EPHA6: variants seen among roughly 807,000 people sequenced by gnomAD.
EPHA6 encodes ephrin type-A receptor 6.
A neutral mutation model predicts 112.0 loss-of-function variants in EPHA6; 50 were observed. That is an observed-to-expected ratio of 0.45 (90% CI 0.36 to 0.56). The LOEUF is 0.56. Among genes scored for constraint, EPHA6 ranks in the 20% least tolerant of loss-of-function variants. EPHA6 has a pLI of 0.00. For synonymous variants in EPHA6, 529 were observed against 490.7 expected, an observed-to-expected ratio of 1.08 and a Z score of -1.03; for missense variants, 1,280 against 1,417.4, an observed-to-expected ratio of 0.90 and a Z score of 1.56.
At chr3:96,910,030 T>C (rs937493804) in intron 2 of EPHA6, among the ~76,000 whole-genome samples, 3 of 152,020 alleles carry the variant, frequency 2.0e-5, no homozygotes, top group Non-Finnish European at 4.4e-5. Flanking sequence ...AGGATGCCCA[T>C]TCTCTGGAAA....
chr3:96,859,383 A>C (rs980516967), intron 1 of EPHA6, among the ~76,000 whole-genome samples: 1 of 140,928 alleles, frequency 7.1e-6, no homozygotes, highest in Non-Finnish European at 1.6e-5. Context: ...ATAATGGTTA[A>C]TTTTTTTTTT....
chr3:97,538,903 G>A (rs1481032072), intron 11 of EPHA6, among the ~76,000 whole-genome samples: 1 of 152,040 alleles, frequency 6.6e-6, no homozygotes, highest in Non-Finnish European at 1.5e-5. Flanking sequence ...AATTCCAAAT[G>A]TTCAGCATTT....
In EPHA6 at chr3:97,539,147, TTCTTTC is replaced by T. The variant is rs2092812077; in HGVS notation, c.2386+6606_2386+6611del. Among the ~76,000 whole-genome samples the T allele has an allele frequency of 2.7e-5, 4 of 149,236 alleles. No individual in the cohort carries two copies. The Admixed American group carries it at 2.7e-4, about 10-fold the overall frequency. ...TTCTTTTTCTTTCTTTCTTTCTTTC[TTCTTTC>T]TTTTTTTTTTTTGAGACACAGCCTC... On this transcript the variant is annotated intron_variant, in intron 11 of 17. Transcript: ENST00000389672.
chr3:97,187,676 A>AAAGAAAGAAG (rs1166940388), intron 3 of EPHA6, among the ~76,000 whole-genome samples: 137 of 88,358 alleles, frequency 1.6e-3, no homozygotes, highest in African/African-American at 6.3e-3. Context: ...AGAAAGAAAG[A>AAAGAAAGAAG]GAAAGAAAGA....
chr3:96,873,975 A>G (rs546381198), intron 2 of EPHA6, among the ~76,000 whole-genome samples: 30 of 152,250 alleles, frequency 2.0e-4, no homozygotes, highest in African/African-American at 6.7e-4. Context: ...GGACCTGAGA[A>G]GAGTTTCAGA....
chr3:97,727,349 T>C (rs1160464348), intron 15 of EPHA6, among the ~76,000 whole-genome samples: 1 of 152,098 alleles, frequency 6.6e-6, no homozygotes, highest in Non-Finnish European at 1.5e-5. Context: ...CTTTTGATCT[T>C]AGCTGAATTG....
rs375311060 is a variant in EPHA6, at chr3:97,684,404, A to T, written c.2785-35857A>T. ...AATTTTACAAAAATAAGACATTTTA[A>T]CTACAACTGGCTAAATTTGCTGACT... On this transcript the variant is annotated intron_variant, in intron 14 of 17. Coordinates refer to ENST00000389672, the MANE Select transcript of EPHA6 (RefSeq NM_001080448.3). Among the ~76,000 whole-genome samples, 14 of 152,308 alleles carry T rather than the reference A, an allele frequency of 9.2e-5. No homozygotes were observed. In the South Asian group the frequency reaches 2.7e-3, roughly 29 times the overall value.
intron 11 of EPHA6, among the ~76,000 whole-genome samples, chr3:97,554,923 C>G (rs1170918230): frequency 1.3e-5 from 2 of 150,804 alleles, no homozygotes; most frequent in Admixed American, 1.3e-4. Context: ...TGTGAGTGTG[C>G]CTTTTTTTTT....
intron 3 of EPHA6, among the ~76,000 whole-genome samples, chr3:97,037,547 A>G (rs944055771): frequency 2.6e-5 from 4 of 152,084 alleles, no homozygotes. Context: ...GTTGAAAAGA[A>G]AGGTAAGATC....
intron 1 of EPHA6, among the ~76,000 whole-genome samples, chr3:96,860,795 A>G (rs2035964596): frequency 6.6e-6 from 1 of 152,114 alleles, no homozygotes; most frequent in African/African-American, 2.4e-5. Context: ...TGAGTAATTG[A>G]GACAAATGTA....
rs1159994703 is a variant in EPHA6, at chr3:97,002,823, TA to T, written c.1114+14833del. Among the ~76,000 whole-genome samples the T allele has an allele frequency of 2.6e-5, 4 of 152,020 alleles. No homozygotes were observed. The East Asian group carries it at 7.7e-4, about 29-fold the overall frequency. On this transcript the variant is annotated intron_variant, in intron 3 of 17. Coordinates refer to ENST00000389672, the MANE Select transcript of EPHA6 (RefSeq NM_001080448.3). ...ATAAAGGAATATTTAAAAAGAACAGTAAACTAGAAGAGTATTCCTGGCAGAT... is the reference window on the plus strand; with the variant it reads ...ATAAAGGAATATTTAAAAAGAACAGTAACTAGAAGAGTATTCCTGGCAGAT...
intron 5 of EPHA6, among the ~76,000 whole-genome samples, chr3:97,310,491 A>C (rs897155672): frequency 3.3e-5 from 5 of 151,580 alleles, no homozygotes; most frequent in Non-Finnish European, 3.0e-5. Flanking sequence ...ATTTGAGAAC[A>C]ACATGTATGA....
intron 5 of EPHA6, among the ~76,000 whole-genome samples, chr3:97,363,208 AT>A (rs2084486939): frequency 3.4e-5 from 3 of 87,316 alleles, no homozygotes; most frequent in Admixed American, 1.1e-4. Context: ...ATATATATAT[AT>A]ATATATATAT....
intron 3 of EPHA6, among the ~76,000 whole-genome samples, chr3:97,041,235 A>G (rs1355798652): frequency 6.6e-6 from 1 of 151,852 alleles, no homozygotes; most frequent in Non-Finnish European, 1.5e-5. Flanking sequence ...CTTTTTTTAG[A>G]GCATTTATCC....
chr3:97,120,804 G>A (rs2108302163), intron 3 of EPHA6, among the ~76,000 whole-genome samples: 1 of 151,654 alleles, frequency 6.6e-6, no homozygotes, highest in African/African-American at 2.4e-5. Context: ...AACCAAATAA[G>A]GTTTTTTGGC....
chr3:97,255,462 C>T lies in EPHA6; in HGVS notation c.1606+11175C>T, dbSNP rs894209401. ...TTTAGTTTTCTCTTATCGTTCAAAC[C>T]CTTAACATTTGCCACTCAAACCCTC... is the stretch of plus-strand genomic sequence containing the variant. On this transcript the variant is annotated intron_variant, in intron 5 of 17. Transcript: ENST00000389672. Among the ~76,000 whole-genome samples, 7 of 152,144 alleles carry T rather than the reference C, an allele frequency of 4.6e-5. No homozygotes were observed. The South Asian group carries it at 8.3e-4, about 18-fold the overall frequency.
At chr3:96,984,836 G>A (rs547423882) in intron 2 of EPHA6, among the ~76,000 whole-genome samples, 1 of 152,338 alleles carries the variant, frequency 6.6e-6, no homozygotes, top group South Asian at 2.1e-4. Context: ...CGTGGGCATG[G>A]CACCCTCTAA....
chr3:97,723,715 C>T (rs1222952388), intron 15 of EPHA6, among the ~76,000 whole-genome samples: 1 of 151,934 alleles, frequency 6.6e-6, no homozygotes, highest in Non-Finnish European at 1.5e-5. Context: ...TGAAAAAAAA[C>T]CCAAACCTTG....
At position 97,695,382 on chromosome 3, in the gene EPHA6, A is replaced by G. The variant is rs780344533; in HGVS notation, c.2785-24879A>G. Among the ~76,000 whole-genome samples the G allele has an allele frequency of 1.3e-5, 2 of 152,366 alleles. 1 individual carries two copies. The highest frequency in any genetic ancestry group is 6.8e-3 in the Middle Eastern group (2 of 294). On this transcript the variant is annotated intron_variant, in intron 14 of 17. Transcript: ENST00000389672. ...CAATTTGAATACTATTACTGTAGAC[A>G]GAGTGTACAGTTAAGTATAAACCAA... is the stretch of plus-strand genomic sequence containing the variant.
Sources: allele counts gnomAD v4.1 joint callset (sites outside exome capture counted in the v4.1 genomes callset), GRCh38; gene constraint gnomAD v4.1.1; transcripts MANE v1.5; gene names NCBI Gene and HGNC (gene_info 2026-07-23, HGNC 2026-07-21).